MYH16: variants seen among roughly 807,000 people sequenced by gnomAD.
MYH16 encodes putative uncharacterized protein MYH16.
At chr7:99,291,296 T>C (rs1462895350) in intron 30 of MYH16, 27 bp from the exon 12 acceptor site, 8 of 454,596 alleles carry the variant, frequency 1.8e-5, no homozygotes, top group Middle Eastern at 6.5e-4. Context: ...CTTCATCCAA[T>C]ATTTCTTCCA....
At chr7:99,302,488 AC>A (rs1252926772) in intron 38 of MYH16, among the ~76,000 whole-genome samples, 5 of 151,698 alleles carry the variant, frequency 3.3e-5, no homozygotes, top group African/African-American at 1.2e-4. Flanking sequence ...AATCACTTGA[AC>A]CCCAGAGGTC....
At chr7:99,260,086 TG>T in intron 11 of MYH16, 1 of 1,313,828 alleles carries the variant, frequency 7.6e-7, no homozygotes, top group Non-Finnish European at 1.1e-6. Context: ...GCTTTGCTTG[TG>T]GTCGCTTCAT....
At chr7:99,277,030 TGA>T (rs1018583291) in intron 20 of MYH16, among the ~76,000 whole-genome samples, 2 of 143,982 alleles carry the variant, frequency 1.4e-5, no homozygotes, top group African/African-American at 5.1e-5. Flanking sequence ...AGGAATGGCA[TGA>T]GAGAGACACA....
In MYH16 at chr7:99,242,009, C is replaced by T. The variant is rs573215578; in HGVS notation, n.211-1269C>T. Among the ~76,000 whole-genome samples the T allele has an allele frequency of 4.1e-4, 62 of 152,018 alleles. 1 individual carries two copies. Among genetic ancestry groups the T allele is most frequent in the African/African-American group, 4.1e-4 (17 of 41,388 alleles). On this transcript the variant is annotated intron_variant and non_coding_transcript_variant, in intron 1 of 41. Coordinates refer to ENST00000439784, the Ensembl canonical transcript of MYH16. ...CCAAGTAGCTGGGGTTACAAGTGTG[C>T]GCTACCACGCCCAGCTAATTTTTGT...
At chr7:99,255,606 C>G (rs1791861846) in exon 9 of MYH16, 2 of 152,790 alleles carry the variant, frequency 1.3e-5, no homozygotes, top group Non-Finnish European at 2.9e-5. Context: ...GTCCCCAACC[C>G]TAAGGAATAC....
At chr7:99,295,794 C>T (rs970855698) in intron 33 of MYH16, among the ~76,000 whole-genome samples, 2 of 143,416 alleles carry the variant, frequency 1.4e-5, no homozygotes, top group Non-Finnish European at 3.0e-5. Flanking sequence ...GATTATGCTA[C>T]TGTACTCCAG....
chr7:99,259,652 T>A (rs1791915225), intron 11 of MYH16, among the ~76,000 whole-genome samples: 1 of 151,376 alleles, frequency 6.6e-6, no homozygotes, highest in South Asian at 2.1e-4. Context: ...GAGATGGGGT[T>A]TTACCATGAT....
At chr7:99,260,265 G>A (rs1373918295) in exon 12 of MYH16, 1 of 1,597,930 alleles carries the variant, frequency 6.3e-7, no homozygotes, top group African/African-American at 1.3e-5. Flanking sequence ...AGTACAAGAG[G>A]GAAGGCATCG....
At chr7:99,278,523 G>T (rs1792150257) in intron 21 of MYH16, among the ~76,000 whole-genome samples, 1 of 152,158 alleles carries the variant, frequency 6.6e-6, no homozygotes, top group Admixed American at 6.5e-5. Context: ...GGGTCCTTCT[G>T]GTTTGCAAAG....
intron 11 of MYH16, among the ~76,000 whole-genome samples, chr7:99,259,851 A>ATG (rs902974119): frequency 2.9e-5 from 2 of 68,398 alleles, no homozygotes; most frequent in African/African-American, 6.8e-5. Flanking sequence ...ATGTATGTGT[A>ATG]TATATATATA....
chr7:99,287,799 GA>G, intron 28 of MYH16, 92 bp from the exon 10 acceptor site: 1 of 396,448 alleles, frequency 2.5e-6, no homozygotes, highest in Admixed American at 2.9e-5. Context: ...CGAGGTACAG[GA>G]ATATCAGGGG....
exon 22 of MYH16, chr7:99,279,671 G>T (rs1351269165): frequency 4.4e-6 from 2 of 456,634 alleles, no homozygotes; most frequent in East Asian, 1.4e-4. Context: ...AAGGGGAGCT[G>T]AGCGACCTGA....
chr7:99,240,811 G>C (rs1791658415), intron 1 of MYH16, among the ~76,000 whole-genome samples: 1 of 149,222 alleles, frequency 6.7e-6, no homozygotes, highest in Non-Finnish European at 1.5e-5. Flanking sequence ...CTGCACTCCA[G>C]CCTGGGTGAC....
exon 6 of MYH16, chr7:99,251,174 C>G (rs2150807628): frequency 9.1e-6 from 2 of 220,048 alleles, no homozygotes; most frequent in East Asian, 1.1e-4. Context: ...GGAACAACAA[C>G]TCCTCTCGCT....
chr7:99,292,398 C>A (rs1193540441), exon 32 of MYH16: 4 of 457,322 alleles, frequency 8.7e-6, no homozygotes, highest in Non-Finnish European at 1.8e-5. Flanking sequence ...AGCAGGGAGG[C>A]AAGTCAGAGC....
intron 22 of MYH16, 89 bp downstream of exon 4, chr7:99,279,826 C>T: frequency 2.6e-6 from 1 of 380,316 alleles, no homozygotes; most frequent in South Asian, 1.9e-5. Context: ...CACCCAGTGC[C>T]CTGACCACTG....
At chr7:99,282,740 G>A (rs1323820901) in intron 23 of MYH16, among the ~76,000 whole-genome samples, 1 of 152,038 alleles carries the variant, frequency 6.6e-6, no homozygotes, top group African/African-American at 2.4e-5. Context: ...TGAGGCGAGA[G>A]GGTTGCTTGA....
At chr7:99,275,991 G>C (rs2008424) in intron 20 of MYH16, among the ~76,000 whole-genome samples, 2,220 of 152,128 alleles carry the variant, frequency 0.015, 65 homozygotes, top group African/African-American at 0.051. Context: ...GCCTCCCAAA[G>C]TGCTGGGATT....
intron 38 of MYH16, among the ~76,000 whole-genome samples, chr7:99,302,103 A>C (rs1475339270): frequency 6.6e-6 from 1 of 152,078 alleles, no homozygotes; most frequent in Non-Finnish European, 1.5e-5. Context: ...CAGCAGTTCG[A>C]GACCAGCTTG....
Sources: gnomAD v4.1 joint callset for allele counts (sites outside exome capture counted in the v4.1 genomes callset) on GRCh38, gnomAD v4.1.1 for gene constraint, MANE v1.5 for transcripts, NCBI Gene and HGNC (gene_info 2026-07-23, HGNC 2026-07-21) for gene names.